LIPA: variants seen among roughly 807,000 people sequenced by gnomAD.
LIPA encodes lipase A, lysosomal acid type.
Under a neutral mutation model 40.6 loss-of-function variants are expected in LIPA, and 26 were observed. The observed-to-expected ratio is 0.64, with a 90% CI of 0.47 to 0.89. LIPA has a LOEUF of 0.89. Ranked by LOEUF, LIPA falls within the 40% of genes least tolerant of loss-of-function variation. The pLI is 0.00. For missense variants in LIPA, 455 were observed against 479.6 expected (o/e 0.95, Z 0.48); for synonymous variants, 188 against 168.4 (o/e 1.12, Z -0.90).
chr10:89,396,365 G>A (rs896441288), intron 2 of LIPA, among the ~76,000 whole-genome samples: 1 of 152,176 alleles, frequency 6.6e-6, no homozygotes, highest in African/African-American at 2.4e-5. Flanking sequence ...GCCCATACAA[G>A]AAGTATGGTG....
chr10:89,327,444 G>A (rs866518212), intron 1 of LIPA, among the ~76,000 whole-genome samples: 10 of 152,006 alleles, frequency 6.6e-5, no homozygotes, highest in Non-Finnish European at 1.0e-4. Flanking sequence ...CCAGCTACTC[G>A]GGAGGCTGAG....
intron 1 of LIPA, among the ~76,000 whole-genome samples, chr10:89,261,769 T>C (rs1843210755): frequency 6.6e-6 from 1 of 152,202 alleles, no homozygotes; most frequent in Non-Finnish European, 1.5e-5. Context: ...CCTGTGCATC[T>C]AACACTAGTT....
chr10:89,215,385 G>A (rs866433969), intron 9 of LIPA, among the ~76,000 whole-genome samples: 33 of 152,322 alleles, frequency 2.2e-4, no homozygotes, highest in African/African-American at 7.7e-4. Flanking sequence ...TGGCTGGAAA[G>A]AGTTTGGGGT....
intron 1 of LIPA, chr10:89,308,470 G>A (rs1843497173): frequency 6.6e-6 from 1 of 152,152 alleles, no homozygotes; most frequent in African/African-American, 2.4e-5. Context: ...AGATGGTGGG[G>A]TTTTCCCCCC....
intron 3 of LIPA, among the ~76,000 whole-genome samples, chr10:89,242,722 T>C (rs777410590): frequency 2.6e-5 from 4 of 152,216 alleles, no homozygotes; most frequent in Non-Finnish European, 5.9e-5. Context: ...GTAAATAGTA[T>C]GAATGTATAG....
chr10:89,378,484 G>A (rs1381943753), intron 2 of LIPA, among the ~76,000 whole-genome samples: 1 of 152,136 alleles, frequency 6.6e-6, no homozygotes, highest in East Asian at 1.9e-4. Flanking sequence ...AGCTATAGCT[G>A]TAGGGGAGGG....
intron 1 of LIPA, among the ~76,000 whole-genome samples, chr10:89,274,728 G>T (rs998759296): frequency 6.6e-6 from 1 of 152,156 alleles, no homozygotes; most frequent in Non-Finnish European, 1.5e-5. Flanking sequence ...GATAAGGATG[G>T]CCACCAGAAC....
chr10:89,225,046 G>A, intron 6 of LIPA, 46 bp downstream of exon 6: 2 of 1,603,742 alleles, frequency 1.2e-6, no homozygotes, highest in Non-Finnish European at 1.7e-6. Context: ...CAGATCTCAG[G>A]AGGAAATCTG....
At chr10:89,336,015 C>A (rs1305148199) in intron 1 of LIPA, among the ~76,000 whole-genome samples, 1 of 152,100 alleles carries the variant, frequency 6.6e-6, no homozygotes, top group Admixed American at 6.6e-5. Context: ...GTGGTTCACA[C>A]CTGTAATCCC....
chr10:89,333,517 A>AG (rs1843682858), intron 1 of LIPA, among the ~76,000 whole-genome samples: 1 of 151,128 alleles, frequency 6.6e-6, no homozygotes, highest in African/African-American at 2.4e-5. Context: ...AGGAGGGGGG[A>AG]GGGGTGGGAA....
intron 1 of LIPA, chr10:89,306,962 G>A (rs1589596139): frequency 6.2e-7 from 1 of 1,614,032 alleles, no homozygotes; most frequent in South Asian, 1.1e-5. Flanking sequence ...TCTCTTCCGT[G>A]TCTGTTCCAT....
chr10:89,288,669 G>C (rs1052837429), intron 1 of LIPA, among the ~76,000 whole-genome samples: 2 of 151,896 alleles, frequency 1.3e-5, no homozygotes, highest in Admixed American at 6.6e-5. Flanking sequence ...GTTCCACCAG[G>C]CCTAATCTCC....
intron 1 of LIPA, among the ~76,000 whole-genome samples, chr10:89,315,700 G>T (rs2133529135): frequency 6.6e-6 from 1 of 152,246 alleles, no homozygotes; most frequent in Non-Finnish European, 1.5e-5. Context: ...TTACAGCTGG[G>T]TAAACTAAAT....
At chr10:89,410,914 C>CAG (rs771176603) in intron 2 of LIPA, among the ~76,000 whole-genome samples, 7 of 151,646 alleles carry the variant, frequency 4.6e-5, no homozygotes, top group African/African-American at 7.3e-5. Flanking sequence ...GACAGAAAGT[C>CAG]AGAGAGAGAG....
chr10:89,335,131 T>C (rs926458490), intron 1 of LIPA, among the ~76,000 whole-genome samples: 4 of 152,154 alleles, frequency 2.6e-5, no homozygotes, highest in Admixed American at 2.6e-4. Flanking sequence ...CCTCATCAAA[T>C]TGGAGACTTT....
upstream of LIPA, among the ~76,000 whole-genome samples, chr10:89,343,316 A>G (rs1252968754): frequency 6.6e-6 from 1 of 152,182 alleles, no homozygotes; most frequent in Non-Finnish European, 1.5e-5. Flanking sequence ...ACTGGGTTCA[A>G]ATTCTTCTTG....
chr10:89,399,973 C>T (rs1244935414), intron 2 of LIPA, among the ~76,000 whole-genome samples: 1 of 152,152 alleles, frequency 6.6e-6, no homozygotes. Context: ...TTGGTTGTCA[C>T]CTTCATCTAG....
At chr10:89,272,045 G>A (rs1249378147) in intron 1 of LIPA, among the ~76,000 whole-genome samples, 1 of 152,024 alleles carries the variant, frequency 6.6e-6, no homozygotes, top group African/African-American at 2.4e-5. Flanking sequence ...ACTCCAGCCT[G>A]GGCACACAGA....
chr10:89,291,331 A>T (rs1485115204), intron 1 of LIPA, among the ~76,000 whole-genome samples: 2 of 152,124 alleles, frequency 1.3e-5, no homozygotes, highest in African/African-American at 4.8e-5. Context: ...GTGATCTACA[A>T]GGTAGGAGAC....
Sources: gnomAD v4.1 joint callset for allele counts (sites outside exome capture counted in the v4.1 genomes callset) on GRCh38, gnomAD v4.1.1 for gene constraint, MANE v1.5 for transcripts, NCBI Gene and HGNC (gene_info 2026-07-23, HGNC 2026-07-21) for gene names.